Variants in MACROD2 observed in about 807,000 individuals in gnomAD.
The protein encoded by MACROD2 is mono-ADP ribosylhydrolase 2.
A neutral mutation model predicts 70.4 loss-of-function variants in MACROD2; 36 were observed. That is an observed-to-expected ratio of 0.51 (90% CI 0.39 to 0.68). The LOEUF (loss-of-function observed/expected upper bound fraction) is 0.68, where lower values mean the gene tolerates loss of function less well. Ranked by LOEUF, MACROD2 falls within the 30% of genes least tolerant of loss-of-function variation. MACROD2 has a pLI of 0.00. For missense variants in MACROD2, 496 were observed against 538.4 expected (o/e 0.92, Z 0.78); for synonymous variants, 172 against 178.8 (o/e 0.96, Z 0.30).
intron 2 of MACROD2, among the ~76,000 whole-genome samples, chr20:14,020,717 C>G (rs1417743297): frequency 6.6e-6 from 1 of 152,078 alleles, no homozygotes; most frequent in Admixed American, 6.5e-5. Context: ...CTGAGACTTT[C>G]CAAACAATTT....
At position 15,295,190 on chromosome 20, in the gene MACROD2, C is replaced by T. The variant is rs1218044827; in HGVS notation, c.540+65129C>T. On this transcript the variant is annotated intron_variant, in intron 6 of 17. Coordinates refer to ENST00000684519, the MANE Select transcript of MACROD2 (RefSeq NM_001351661.2). ...TGCTGCCATGTGAGACATGCCTTTG[C>T]TCTTCCTTCACCTTCTGCTATAATT... is the stretch of plus-strand genomic sequence containing the variant. 4.6e-5 allele frequency among the ~76,000 whole-genome samples: 7 copies of T among 152,340 alleles called. No individual in the cohort carries two copies. The East Asian group carries it at 1.4e-3, about 29-fold the overall frequency.
chr20:15,520,712 G>T (rs1053077394), intron 8 of MACROD2, among the ~76,000 whole-genome samples: 2 of 152,142 alleles, frequency 1.3e-5, no homozygotes, highest in African/African-American at 4.8e-5. Flanking sequence ...AGAGTCAGAC[G>T]GGCCCCTGAT....
At chr20:15,249,438 C>T (rs2077134822) in intron 6 of MACROD2, among the ~76,000 whole-genome samples, 1 of 152,198 alleles carries the variant, frequency 6.6e-6, no homozygotes, top group African/African-American at 2.4e-5. Context: ...AAGATTCACA[C>T]ACACACAACT....
chr20:14,744,432 TTA>T (rs893039904), intron 5 of MACROD2, among the ~76,000 whole-genome samples: 80 of 152,314 alleles, frequency 5.3e-4, no homozygotes, highest in African/African-American at 1.9e-3. Context: ...AACATATATA[TTA>T]TCTTACATAA....
chr20:15,832,085 C>T (rs944286499), intron 8 of MACROD2, among the ~76,000 whole-genome samples: 1 of 151,998 alleles, frequency 6.6e-6, no homozygotes, highest in African/African-American at 2.4e-5. Flanking sequence ...TTGATTTTAT[C>T]CAAATGGAAA....
chr20:14,131,000 C>A (rs2054711673), intron 3 of MACROD2, among the ~76,000 whole-genome samples: 1 of 145,662 alleles, frequency 6.9e-6, no homozygotes, highest in Non-Finnish European at 1.5e-5. Flanking sequence ...TCATAGCTTA[C>A]TGCAACCTTG....
At chr20:16,026,745 T>C (rs1175043178) in intron 15 of MACROD2, among the ~76,000 whole-genome samples, 1 of 152,050 alleles carries the variant, frequency 6.6e-6, no homozygotes, top group Non-Finnish European at 1.5e-5. Context: ...TTGAGGAAAG[T>C]GGCCCTTTTT....
chr20:14,163,359 T>C (rs1284813202), intron 3 of MACROD2, among the ~76,000 whole-genome samples: 2 of 152,144 alleles, frequency 1.3e-5, no homozygotes, highest in African/African-American at 4.8e-5. Flanking sequence ...TAGATACTTT[T>C]TTCTTGCTGT....
intron 15 of MACROD2, among the ~76,000 whole-genome samples, chr20:16,023,889 G>A (rs1029450727): frequency 2.0e-5 from 3 of 152,206 alleles, no homozygotes; most frequent in African/African-American, 7.2e-5. Context: ...CAGGACCCCT[G>A]GGCTGTCCTC....
intron 6 of MACROD2, among the ~76,000 whole-genome samples, chr20:15,390,446 C>A (rs2045777691): frequency 1.3e-5 from 2 of 152,130 alleles, no homozygotes; most frequent in Non-Finnish European, 2.9e-5. Flanking sequence ...TTTTCTCTCA[C>A]CACTAGAATC....
intron 8 of MACROD2, among the ~76,000 whole-genome samples, chr20:15,554,280 G>T (rs994066992): frequency 6.6e-6 from 1 of 152,128 alleles, no homozygotes; most frequent in Non-Finnish European, 1.5e-5. Flanking sequence ...GAAGAGAGAG[G>T]AATTTGCTCC....
chr20:15,847,492 A>G (rs1296261740), intron 8 of MACROD2, among the ~76,000 whole-genome samples: 1 of 152,212 alleles, frequency 6.6e-6, no homozygotes, highest in East Asian at 1.9e-4. Context: ...CTTTATTTTG[A>G]CTGGCCTTAA....
chr20:14,367,367 C>T (rs1045208781), intron 3 of MACROD2, among the ~76,000 whole-genome samples: 9 of 152,182 alleles, frequency 5.9e-5, no homozygotes, highest in East Asian at 5.8e-4. Flanking sequence ...TTTACTAGAG[C>T]GCTGCATTTC....
chr20:15,922,710 T>G (rs1056690696), intron 10 of MACROD2, among the ~76,000 whole-genome samples: 1 of 152,226 alleles, frequency 6.6e-6, no homozygotes, highest in African/African-American at 2.4e-5. Flanking sequence ...CCCTCCCTGC[T>G]TCCTCCAGCA....
intron 3 of MACROD2, among the ~76,000 whole-genome samples, chr20:14,255,286 A>G (rs887565919): frequency 6.6e-6 from 1 of 152,176 alleles, no homozygotes; most frequent in Non-Finnish European, 1.5e-5. Context: ...AACCAAGCCA[A>G]ATGTCCAACA....
intron 3 of MACROD2, among the ~76,000 whole-genome samples, chr20:14,228,088 TAAACTG>T (rs1377689957): frequency 3.3e-5 from 5 of 152,124 alleles, no homozygotes; most frequent in African/African-American, 1.2e-4. Context: ...TTTTAAGAAA[TAAACTG>T]AAGTGCTTAG....
chr20:14,791,652 T>C (rs1047411498), intron 5 of MACROD2, among the ~76,000 whole-genome samples: 6 of 152,078 alleles, frequency 3.9e-5, no homozygotes, highest in African/African-American at 1.2e-4. Flanking sequence ...ATCTCATTAT[T>C]TCCATGATCC....
intron 10 of MACROD2, among the ~76,000 whole-genome samples, chr20:15,925,417 A>T (rs904315703): frequency 1.3e-5 from 2 of 152,222 alleles, no homozygotes; most frequent in African/African-American, 4.8e-5. Context: ...AAATCCTTGG[A>T]TTAAAAACTA....
At chr20:15,428,174 C>G (rs766699685) in intron 6 of MACROD2, among the ~76,000 whole-genome samples, 1 of 152,144 alleles carries the variant, frequency 6.6e-6, no homozygotes, top group African/African-American at 2.4e-5. Context: ...TTCTACAAAC[C>G]CTTTGAGGCA....
Sources: gnomAD v4.1 joint callset for allele counts (sites outside exome capture counted in the v4.1 genomes callset) on GRCh38, gnomAD v4.1.1 for gene constraint, MANE v1.5 for transcripts, NCBI Gene and HGNC (gene_info 2026-07-23, HGNC 2026-07-21) for gene names.